Variants in CSMD1 observed in about 807,000 individuals in gnomAD.
The protein encoded by CSMD1 is CUB and Sushi multiple domains 1, also known as CUB and sushi domain-containing protein 1.
Under a neutral mutation model 417.5 loss-of-function variants are expected in CSMD1, and 213 were observed. The observed-to-expected ratio is 0.51, with a 90% CI of 0.46 to 0.57. The LOEUF is 0.57. CSMD1 is among the 20% of genes least tolerant of loss of function. CSMD1 has a pLI of 0.00. For missense variants in CSMD1, 6,923 were observed against 4,529.7 expected, an observed-to-expected ratio of 1.53 and a Z score of -15.17; for synonymous variants, 2,862 against 1,736.8, an observed-to-expected ratio of 1.65 and a Z score of -16.11.
intron 7 of CSMD1, among the ~76,000 whole-genome samples, chr8:3,707,878 A>C (rs1490135083): frequency 6.6e-6 from 1 of 152,160 alleles, no homozygotes; most frequent in Non-Finnish European, 1.5e-5. Context: ...CATTCCTCCC[A>C]CAGCTATTGA....
At chr8:4,280,197 C>G (rs773090167) in intron 3 of CSMD1, among the ~76,000 whole-genome samples, 6 of 152,166 alleles carry the variant, frequency 3.9e-5, no homozygotes, top group Non-Finnish European at 2.9e-5. Context: ...ATTTCTTAAG[C>G]AAGCATAGGC....
intron 11 of CSMD1, among the ~76,000 whole-genome samples, chr8:3,472,816 T>C (rs1351304936): frequency 6.6e-6 from 1 of 151,832 alleles, no homozygotes; most frequent in African/African-American, 2.4e-5. Context: ...AATACCTGCC[T>C]CTTAAAATCT....
chr8:3,507,064 G>A (rs998285779), intron 10 of CSMD1, among the ~76,000 whole-genome samples: 1 of 152,080 alleles, frequency 6.6e-6, no homozygotes, highest in Non-Finnish European at 1.5e-5. Flanking sequence ...ATAGAGCTTG[G>A]TGTCATGGTT....
intron 8 of CSMD1, among the ~76,000 whole-genome samples, chr8:3,596,180 G>C (rs1801085400): frequency 6.6e-6 from 1 of 152,190 alleles, no homozygotes; most frequent in Non-Finnish European, 1.5e-5. Flanking sequence ...ATGGGAGAAG[G>C]AAGCAGAGCT....
At chr8:3,365,522 T>C (rs1260582418) in intron 20 of CSMD1, among the ~76,000 whole-genome samples, 1 of 152,254 alleles carries the variant, frequency 6.6e-6, no homozygotes, top group Non-Finnish European at 1.5e-5. Context: ...ACATGAATTG[T>C]TTTCAATAAA....
At chr8:3,810,580 G>C (rs191797430) in intron 5 of CSMD1, among the ~76,000 whole-genome samples, 1 of 152,162 alleles carries the variant, frequency 6.6e-6, no homozygotes, top group Non-Finnish European at 1.5e-5. Context: ...GGGTTAGAAG[G>C]AGGCTTCTCC....
At chr8:4,043,443 T>G (rs1207886263) in intron 3 of CSMD1, among the ~76,000 whole-genome samples, 1 of 152,116 alleles carries the variant, frequency 6.6e-6, no homozygotes, top group Non-Finnish European at 1.5e-5. Flanking sequence ...GTGCACATCA[T>G]GATAATGGAT....
chr8:3,681,605 C>A (rs1028011070), intron 7 of CSMD1, among the ~76,000 whole-genome samples: 4 of 152,228 alleles, frequency 2.6e-5, no homozygotes, highest in Admixed American at 2.6e-4. Context: ...GTCAAAATGG[C>A]CATACTGCCC....
intron 5 of CSMD1, among the ~76,000 whole-genome samples, chr8:3,834,850 T>A (rs1350871490): frequency 1.3e-5 from 2 of 151,708 alleles, no homozygotes; most frequent in Non-Finnish European, 1.5e-5. Flanking sequence ...GAATCTACAA[T>A]GAACTCCAAC....
intron 64 of CSMD1, among the ~76,000 whole-genome samples, chr8:2,954,991 G>A (rs564046044): frequency 6.6e-6 from 1 of 152,272 alleles, no homozygotes; most frequent in African/African-American, 2.4e-5. Flanking sequence ...AAACAGGGGA[G>A]AACCTGTAAG....
At chr8:4,432,229 TTA>T (rs1797912526) in intron 2 of CSMD1, among the ~76,000 whole-genome samples, 1 of 152,166 alleles carries the variant, frequency 6.6e-6, no homozygotes, top group Non-Finnish European at 1.5e-5. Flanking sequence ...GTCAAATGGG[TTA>T]TGAGAAAACA....
intron 26 of CSMD1, among the ~76,000 whole-genome samples, chr8:3,252,559 G>C (rs1800348910): frequency 1.3e-5 from 2 of 152,152 alleles, no homozygotes; most frequent in Admixed American, 1.3e-4. Flanking sequence ...TTTGGTATCA[G>C]GATGATGCTG....
chr8:3,669,782 C>T (rs1178992996), intron 7 of CSMD1, among the ~76,000 whole-genome samples: 2 of 152,090 alleles, frequency 1.3e-5, no homozygotes, highest in Non-Finnish European at 2.9e-5. Flanking sequence ...TCATCAGAGC[C>T]CTCAGGGATC....
rs562332503 is a variant in CSMD1, at chr8:3,073,809, T to G, written c.7474+13288A>C. 1.2e-4 allele frequency among the ~76,000 whole-genome samples: 19 copies of G among 152,128 alleles called. 2 individuals are homozygous for G. The highest frequency in any genetic ancestry group is 1.0e-3 in the Admixed American group (16 of 15,278). ...AAAAAATTACCAAAAAAAAAAAGTATTCTCTACTGAGTAATGATCAAATGA... is the reference window on the plus strand; with the variant it reads ...AAAAAATTACCAAAAAAAAAAAGTAGTCTCTACTGAGTAATGATCAAATGA... On this transcript the variant is annotated intron_variant, in intron 49 of 69. Transcript: ENST00000635120.
At chr8:3,793,998 C>T (rs953326152) in intron 5 of CSMD1, among the ~76,000 whole-genome samples, 1 of 152,140 alleles carries the variant, frequency 6.6e-6, no homozygotes, top group Non-Finnish European at 1.5e-5. Context: ...CTTCCTGAAC[C>T]CCTGCTTATC....
Position 3,394,012 on chromosome 8 carries a change from TTATATATATATATATATATA to T in CSMD1, c.2593+2162_2593+2181del, listed in dbSNP as rs1175905929. Among the ~76,000 whole-genome samples, 71 of 31,632 alleles carry T rather than the reference TTATATATATATATATATATA, an allele frequency of 2.2e-3. 1 individual carries two copies. The highest frequency in any genetic ancestry group is 3.4e-3 in the Non-Finnish European group (57 of 16,882). The allele number at this position is 31,632 out of a possible 152,430, so 20.8% of individuals were successfully genotyped here. ...ATAATAATAATAATAAAAAAATAAA[TTATATATATATATATATATA>T]TATATATATATATATATATATATAG... On this transcript the variant is annotated intron_variant, in intron 17 of 69. Coordinates refer to ENST00000635120, the MANE Select transcript of CSMD1 (RefSeq NM_033225.6).
At position 3,554,157 on chromosome 8, in the gene CSMD1, A is replaced by G. The variant is rs571708380; in HGVS notation, c.1344+20788T>C. Among the ~76,000 whole-genome samples the G allele has an allele frequency of 2.0e-5, 3 of 152,384 alleles. No homozygotes were observed. The East Asian group carries it at 5.8e-4, about 29-fold the overall frequency. On this transcript the variant is annotated intron_variant, in intron 10 of 69. Coordinates refer to ENST00000635120, the MANE Select transcript of CSMD1 (RefSeq NM_033225.6). ...TTATACAAGTGAAACATACACAAAAAGAAGGTAGACAAGAAGAAGTTTTTA... is the reference window on the plus strand; with the variant it reads ...TTATACAAGTGAAACATACACAAAAGGAAGGTAGACAAGAAGAAGTTTTTA...
intron 10 of CSMD1, among the ~76,000 whole-genome samples, chr8:3,528,169 C>A (rs1797831921): frequency 6.6e-6 from 1 of 152,212 alleles, no homozygotes; most frequent in African/African-American, 2.4e-5. Flanking sequence ...GCATGGTTAA[C>A]TCCCCTGGTA....
At chr8:4,949,634 G>A (rs1371317100) in intron 1 of CSMD1, among the ~76,000 whole-genome samples, 1 of 152,050 alleles carries the variant, frequency 6.6e-6, no homozygotes, top group African/African-American at 2.4e-5. Flanking sequence ...CAACCAAGAA[G>A]CATCTGACCC....
Sources: gnomAD v4.1 joint callset for allele counts (sites outside exome capture counted in the v4.1 genomes callset) on GRCh38, gnomAD v4.1.1 for gene constraint, MANE v1.5 for transcripts, NCBI Gene and HGNC (gene_info 2026-07-23, HGNC 2026-07-21) for gene names.